The following NKIRAS1 variants were observed in gnomAD, a reference collection of about 807,000 sequenced individuals.
The protein encoded by NKIRAS1 is NF-kappa-B inhibitor-interacting Ras-like protein 1.
NKIRAS1 carries 16 observed loss-of-function variants against 19.8 expected under a neutral mutation model. The ratio of observed to expected loss-of-function variants is 0.81; its 90% CI spans 0.55 to 1.23. The LOEUF is 1.23. Among genes scored for constraint, NKIRAS1 ranks in the 50% most tolerant of loss-of-function variants. The pLI is 0.00. For missense variants in NKIRAS1, 184 were observed against 220.0 expected, an observed-to-expected ratio of 0.84 and a Z score of 1.04; for synonymous variants, 88 against 79.0, an observed-to-expected ratio of 1.11 and a Z score of -0.61.
At position 23,890,587 on chromosome 3, in the gene NKIRAS1, C is replaced by G. The variant is rs1324166476; in HGVS notation, c.*2508G>C. On this transcript the variant is annotated 3_prime_UTR_variant, in exon 5 of 5. Transcript: ENST00000425478. ...CATGACAGAATGGCCAGACAGTGGACCAAGAGATACGCTACATAAATTGGG... is the reference window on the plus strand; with the variant it reads ...CATGACAGAATGGCCAGACAGTGGAGCAAGAGATACGCTACATAAATTGGG... 6.2e-7 allele frequency: 1 copy of G among 1,613,164 alleles called. No individual in the cohort carries two copies. The highest frequency in any genetic ancestry group is 8.5e-7 in the Non-Finnish European group (1 of 1,179,674).
At chr3:23,896,776 CT>C (rs1284627016) in intron 4 of NKIRAS1, among the ~76,000 whole-genome samples, 4 of 150,464 alleles carry the variant, frequency 2.7e-5, no homozygotes, top group Admixed American at 1.3e-4. Flanking sequence ...GAGTTCAAGA[CT>C]AGCCTGAACA....
upstream of NKIRAS1, chr3:23,919,040 C>A: frequency 1.6e-6 from 1 of 621,836 alleles, no homozygotes; most frequent in African/African-American, 1.8e-5. Context: ...TATCTCATTA[C>A]ACTTGTGATA....
intron 4 of NKIRAS1, among the ~76,000 whole-genome samples, chr3:23,895,145 A>G (rs1254766705): frequency 6.6e-6 from 1 of 152,092 alleles, no homozygotes; most frequent in Non-Finnish European, 1.5e-5. Context: ...TCTGGGCTCA[A>G]GCGATCGTGA....
Position 23,893,253 on chromosome 3 carries a change from T to C in NKIRAS1, c.421A>G (p.Ser141Gly). The C allele has an allele frequency of 6.2e-7, 1 of 1,614,196 alleles. No individual in the cohort carries two copies. The highest frequency in any genetic ancestry group is 8.5e-7 in the Non-Finnish European group (1 of 1,180,016). ...DAEVAQQWAK[S>G]EKVRLWEVTV... ...ACCTCCCACAGTCTTACTTTCTCACTTTTTGCCCACTGCTGTGCCACTTCA... is the reference window on the plus strand; with the variant it reads ...ACCTCCCACAGTCTTACTTTCTCACCTTTTGCCCACTGCTGTGCCACTTCA... The change falls in exon 5 of 5, where the codon AGT (serine) becomes GGT (glycine). Residue 141 changes from serine to glycine, a missense_variant. Transcript: ENST00000425478.
At position 23,926,572 on chromosome 3, in the gene NKIRAS1, C is replaced by A. The variant is rs1287482863; in HGVS notation, c.-139-15122G>T. On this transcript the variant is annotated intron_variant, in intron 1 of 4. Transcript: ENST00000421515. The surrounding 1 kb of genome is among the most constrained non-coding windows in gnomAD (Gnocchi z 4.3). ...TGAGGCATATGAAGTCTAGTTTTAC[C>A]GTAAAAAGTTTGATGTATAGATTTC... Among the ~76,000 whole-genome samples the A allele has an allele frequency of 6.6e-6, 1 of 151,554 alleles. No homozygotes were observed. The highest frequency in any genetic ancestry group is 1.5e-5 in the Non-Finnish European group (1 of 67,970).
chr3:23,899,940 G>A (rs1029070083), intron 4 of NKIRAS1, among the ~76,000 whole-genome samples: 1 of 151,606 alleles, frequency 6.6e-6, no homozygotes, highest in Non-Finnish European at 1.5e-5. Flanking sequence ...GAAGCAGGCG[G>A]ATCACAAAGT....
chr3:23,914,301 A>G (rs1447600365), intron 1 of NKIRAS1, among the ~76,000 whole-genome samples: 2 of 152,188 alleles, frequency 1.3e-5, no homozygotes, highest in Non-Finnish European at 2.9e-5. Flanking sequence ...TCTTCTATGT[A>G]AGTGGGCCAT....
At chr3:23,896,468 C>T (rs1702006410) in intron 4 of NKIRAS1, among the ~76,000 whole-genome samples, 1 of 151,898 alleles carries the variant, frequency 6.6e-6, no homozygotes, top group Non-Finnish European at 1.5e-5. Flanking sequence ...CAAAAATTAG[C>T]CAGGTGTGGT....
In NKIRAS1 at chr3:23,897,186, G is replaced by A. The variant is rs79248225; in HGVS notation, c.336+3622C>T. On this transcript the variant is annotated intron_variant, in intron 4 of 4. Transcript: ENST00000425478. ...ATAGCTCTCAAGTCTGGGCAACAGA[G>A]CAAGACCCTGTCTGAAATAGGGAAA... 3.4e-3 allele frequency among the ~76,000 whole-genome samples: 515 copies of A among 151,684 alleles called. 2 individuals carry two copies. The highest frequency in any genetic ancestry group is 0.011 in the African/African-American group (470 of 41,314).
At chr3:23,936,679 T>C (rs1238819042) in intron 1 of NKIRAS1, among the ~76,000 whole-genome samples, 1 of 152,194 alleles carries the variant, frequency 6.6e-6, no homozygotes, top group Non-Finnish European at 1.5e-5. Flanking sequence ...CCTGAGTAGC[T>C]GGGACCACAG....
At chr3:23,945,504 GGCGCTGAGGCGGCGGCGGCGGCGCT>G (rs1559326745) in intron 1 of NKIRAS1, 1 of 937,276 alleles carries the variant, frequency 1.1e-6, no homozygotes. Context: ...GGGGCGGCGC[GGCGCTGAGGCGGCGGCGGCGGCGCT>G]GCCCCCTCTG....
rs1470492097 is a variant in NKIRAS1, at chr3:23,891,572, T to G, written c.*1523A>C. 6.6e-6 allele frequency: 1 copy of G among 152,216 alleles called. No individual in the cohort carries two copies. The highest frequency in any genetic ancestry group is 1.5e-5 in the Non-Finnish European group (1 of 68,032). 9.4% of individuals were successfully genotyped at this position (152,216 alleles called of 1,614,324 possible). A position where few individuals can be genotyped will look rare whatever the true frequency, so the allele number is the denominator to read the frequency against. ...TTAAAAGCATTTTCTGACTTGCAGATGCTGTAGTAGCAAGTACATGAGAAA... is the reference window on the plus strand; with the variant it reads ...TTAAAAGCATTTTCTGACTTGCAGAGGCTGTAGTAGCAAGTACATGAGAAA... On this transcript the variant is annotated 3_prime_UTR_variant, in exon 5 of 5. Transcript: ENST00000425478.
upstream of NKIRAS1, chr3:23,918,103 G>A: frequency 2.6e-6 from 4 of 1,531,660 alleles, no homozygotes; most frequent in Non-Finnish European, 3.5e-6. Context: ...CTGTTAGGAA[G>A]ACACTGCTGC....
At chr3:23,930,868 G>GTTTTT (rs35470415) in intron 1 of NKIRAS1, among the ~76,000 whole-genome samples, 2 of 123,890 alleles carry the variant, frequency 1.6e-5, no homozygotes, top group African/African-American at 6.1e-5. Context: ...ATGTCCGGCT[G>GTTTTT]TTTTTTTTTT....
rs543907430 is a variant in NKIRAS1, at chr3:23,892,839, A to G, written c.*256T>C. ...ATTTTACTGTTTTCACAAGTACAAC[A>G]TAAATAACAAAGGTGCTAATTTCAA... On this transcript the variant is annotated 3_prime_UTR_variant, in exon 5 of 5. Transcript: ENST00000425478. 78 of 277,358 alleles carry G rather than the reference A, an allele frequency of 2.8e-4. No homozygotes were observed. Among genetic ancestry groups the G allele is most frequent in the South Asian group, 5.5e-4 (4 of 7,332 alleles). 17.2% of individuals were successfully genotyped at this position (277,358 alleles called of 1,614,324 possible). A position where few individuals can be genotyped will look rare whatever the true frequency, so the allele number is the denominator to read the frequency against.
At chr3:23,908,764 T>C (rs964891494) in intron 3 of NKIRAS1, among the ~76,000 whole-genome samples, 2 of 152,022 alleles carry the variant, frequency 1.3e-5, no homozygotes, top group Admixed American at 6.6e-5. Context: ...CAACCTCCCA[T>C]GTGATTCTCC....
intron 1 of NKIRAS1, among the ~76,000 whole-genome samples, chr3:23,937,733 T>C (rs1190395183): frequency 1.3e-5 from 2 of 152,334 alleles, no homozygotes; most frequent in East Asian, 1.9e-4. Flanking sequence ...TGTTATTAAA[T>C]CAATGCAGCA....
In NKIRAS1 at chr3:23,900,994, G is replaced by T; in HGVS notation, c.150C>A (p.Asp50Glu). 1 of 1,613,968 alleles carries T rather than the reference G, an allele frequency of 6.2e-7. No individual in the cohort carries two copies. The highest frequency in any genetic ancestry group is 8.5e-7 in the Non-Finnish European group (1 of 1,179,942). Residue 50 changes from aspartate (D) to glutamate (E), a missense_variant, in exon 4 of 5, where the codon GAC (aspartate) becomes GAA (glutamate). Physicochemically the swap from Asp to Glu is conservative, Grantham distance 45. Coordinates refer to ENST00000425478, the MANE Select transcript of NKIRAS1 (RefSeq NM_020345.4). ...GATGTAACTGTTCTTTTACTCCTCGGTCTGTTTCTACTGAAGCCATGTATA... is the reference window on the plus strand; with the variant it reads ...GATGTAACTGTTCTTTTACTCCTCGTTCTGTTTCTACTGAAGCCATGTATA... ...EDVYMASVET[D>E]RGVKEQLHLY...
At chr3:23,932,956 T>A (rs1389010707) in intron 1 of NKIRAS1, among the ~76,000 whole-genome samples, 2 of 152,110 alleles carry the variant, frequency 1.3e-5, no homozygotes, top group African/African-American at 4.8e-5. Flanking sequence ...TGTGACTATG[T>A]TACATTATAA....
Sources: allele counts gnomAD v4.1 joint callset (sites outside exome capture counted in the v4.1 genomes callset), GRCh38; gene constraint gnomAD v4.1.1; non-coding constraint Gnocchi (gnomAD v3.1); transcripts MANE v1.5; gene names NCBI Gene and HGNC (gene_info 2026-07-23, HGNC 2026-07-21).